RXFP2: variants seen among roughly 807,000 people sequenced by gnomAD.
RXFP2 encodes relaxin receptor 2.
In RXFP2, 68 loss-of-function variants were observed where a neutral mutation model predicts 88.6. The observed-to-expected ratio is 0.77, with a 90% CI of 0.63 to 0.94. The LOEUF (loss-of-function observed/expected upper bound fraction) is 0.94. RXFP2 is among the 40% of genes least tolerant of loss of function. The pLI is 0.00. For synonymous variants in RXFP2, 329 were observed against 306.8 expected (o/e 1.07, Z -0.76); for missense variants, 791 against 893.9 (o/e 0.88, Z 1.47).
In RXFP2 at chr13:31,741,124, A is replaced by T. The variant is rs544562917; in HGVS notation, c.94+1418A>T. ...TTAAACCGTTTATGAGATGAAAAACATCTATTACTAAAATAACATTTTGTG... is the reference window on the plus strand; with the variant it reads ...TTAAACCGTTTATGAGATGAAAAACTTCTATTACTAAAATAACATTTTGTG... On this transcript the variant is annotated intron_variant, in intron 1 of 17. Coordinates refer to ENST00000298386, the MANE Select transcript of RXFP2 (RefSeq NM_130806.5). Among the ~76,000 whole-genome samples the T allele has an allele frequency of 2.0e-4, 31 of 152,224 alleles. 2 individuals are homozygous for T. The Middle Eastern group carries it at 0.014, about 67-fold the overall frequency.
chr13:31,739,777 C>A, intron 1 of RXFP2, 71 bp downstream of exon 1: 1 of 975,284 alleles, frequency 1.0e-6, no homozygotes, highest in Non-Finnish European at 1.7e-6. Flanking sequence ...AGTTCTATGG[C>A]AGTTGTAATA....
chr13:31,765,945 T>C lies in RXFP2; in HGVS notation c.426-11T>C. 2.2e-6 allele frequency: 3 copies of C among 1,382,700 alleles called. No individual in the cohort carries two copies. Among genetic ancestry groups the C allele is most frequent in the Non-Finnish European group, 1.0e-6 (1 of 978,916 alleles). 85.7% of individuals were successfully genotyped at this position (1,382,700 alleles called of 1,614,324 possible). On this transcript the variant is annotated splice_polypyrimidine_tract_variant and intron_variant, in intron 4 of 17. Coordinates refer to ENST00000298386, the MANE Select transcript of RXFP2 (RefSeq NM_130806.5). ...AATCCATAATGAAGTTTGCTTTACA[T>C]GTTATTTTAGGTCTCTTAAGAAAAA...
At chr13:31,768,914 T>C (rs1305261493) in intron 5 of RXFP2, among the ~76,000 whole-genome samples, 1 of 152,078 alleles carries the variant, frequency 6.6e-6, no homozygotes, top group African/African-American at 2.4e-5. Flanking sequence ...ATGTGGCAAA[T>C]ACCAAACCAT....
intron 16 of RXFP2, among the ~76,000 whole-genome samples, chr13:31,793,664 A>G (rs954304759): frequency 3.9e-5 from 6 of 152,188 alleles, no homozygotes; most frequent in Non-Finnish European, 7.3e-5. Context: ...AATGAATGAC[A>G]AATTTAGCCC....
chr13:31,799,961 C>T (rs1874252560), intron 17 of RXFP2, among the ~76,000 whole-genome samples: 1 of 152,162 alleles, frequency 6.6e-6, no homozygotes, highest in Admixed American at 6.5e-5. Flanking sequence ...TAAATACCCC[C>T]ATGAAGGGAA....
chr13:31,775,424 A>T (rs1486737950), intron 7 of RXFP2, 35 bp downstream of exon 7: 1 of 1,441,542 alleles, frequency 6.9e-7, no homozygotes, highest in East Asian at 2.3e-5. Flanking sequence ...CCCATAGAGG[A>T]TCATAGTCTT....
intron 1 of RXFP2, among the ~76,000 whole-genome samples, 171 bp downstream of exon 1, chr13:31,739,877 A>C (rs1382215254): frequency 6.6e-6 from 1 of 152,138 alleles, no homozygotes; most frequent in Non-Finnish European, 1.5e-5. Context: ...CACACAGCCT[A>C]GTAATTTTTA....
chr13:31,790,033 G>T (rs555632699), intron 14 of RXFP2, among the ~76,000 whole-genome samples: 56 of 152,290 alleles, frequency 3.7e-4, no homozygotes, highest in African/African-American at 1.1e-3. Flanking sequence ...TTAGTATAGA[G>T]AAATTCAAAC....
chr13:31,778,389 T>A (rs1232398422), intron 8 of RXFP2, 123 bp from the exon 9 acceptor site: 2 of 699,092 alleles, frequency 2.9e-6, no homozygotes, highest in African/African-American at 3.6e-5. Flanking sequence ...GAAATAGCTA[T>A]ATATGTTATC....
chr13:31,758,821 T>C (rs989560978), intron 2 of RXFP2, among the ~76,000 whole-genome samples: 1 of 152,066 alleles, frequency 6.6e-6, no homozygotes, highest in African/African-American at 2.4e-5. Flanking sequence ...GTGGCTCACC[T>C]GAGGTCAGGA....
intron 3 of RXFP2, among the ~76,000 whole-genome samples, chr13:31,764,505 C>A (rs1872459977): frequency 1.3e-5 from 2 of 151,900 alleles, no homozygotes; most frequent in Admixed American, 1.3e-4. Context: ...AACAAAGAAC[C>A]AAAATGAAGG....
rs562208484 is a variant in RXFP2 at position 31,754,456 on chromosome 13, G to C, written c.95-3802G>C. ...TGAGACAGGAGAATTGCTTAAACCC[G>C]GGAGGGGGAGGTTTCAGTGAGCCGA... is the stretch of plus-strand genomic sequence containing the variant. On this transcript the variant is annotated intron_variant, in intron 1 of 17. Transcript: ENST00000298386. Among the ~76,000 whole-genome samples the C allele has an allele frequency of 2.3e-4, 35 of 152,086 alleles. 1 individual carries two copies. Among genetic ancestry groups the C allele is most frequent in the Non-Finnish European group, 1.0e-4 (7 of 68,010 alleles).
rs564937344 is a variant in RXFP2, at chr13:31,748,028, C to A, written c.94+8322C>A. On this transcript the variant is annotated intron_variant, in intron 1 of 17. Coordinates refer to ENST00000298386, the MANE Select transcript of RXFP2 (RefSeq NM_130806.5). ...AAAGTGAAGGAGAACTGTCCACTGG[C>A]CCTGCTTGATCTGAAATCACTTTGG... Among the ~76,000 whole-genome samples the A allele has an allele frequency of 2.6e-5, 4 of 152,320 alleles. No homozygotes were observed. In the South Asian group the frequency reaches 8.3e-4, roughly 32 times the overall value.
intron 9 of RXFP2, among the ~76,000 whole-genome samples, chr13:31,781,262 G>A (rs1481384782): frequency 1.3e-5 from 2 of 152,158 alleles, no homozygotes; most frequent in Non-Finnish European, 2.9e-5. Context: ...GTGGTCAGAA[G>A]GAAAGTGAAT....
Position 31,761,803 on chromosome 13 carries a change from T to TAAGTGGTTTTGATTCAAAGACAGTATCAG in RXFP2, c.319+3_319+31dup, listed in dbSNP as rs1433406992. 16 of 1,601,468 alleles carry TAAGTGGTTTTGATTCAAAGACAGTATCAG rather than the reference T, an allele frequency of 1.0e-5. No homozygotes were observed. The highest frequency in any genetic ancestry group is 1.4e-5 in the Non-Finnish European group (16 of 1,168,888). ...GCGTGGCCTTAACACAGGAGTGCTG[T>TAAGTGGTTTTGATTCAAAGACAGTATCAG]AAGTGGTTTTGATTCAAAGACAGTA... is the stretch of plus-strand genomic sequence containing the variant. On this transcript the variant is annotated splice_region_variant and intron_variant, in intron 3 of 17. Coordinates refer to ENST00000298386, the MANE Select transcript of RXFP2 (RefSeq NM_130806.5).
chr13:31,782,236 C>A (rs181077867), intron 10 of RXFP2, among the ~76,000 whole-genome samples: 1 of 151,880 alleles, frequency 6.6e-6, no homozygotes, highest in African/African-American at 2.4e-5. Context: ...TTTATGGGGG[C>A]GGGAAGGCAG....
intron 7 of RXFP2, among the ~76,000 whole-genome samples, chr13:31,776,795 C>T (rs557404201): frequency 6.6e-6 from 1 of 152,158 alleles, no homozygotes; most frequent in Admixed American, 6.5e-5. Context: ...GGAATAGAGG[C>T]CTATTTCCCC....
chr13:31,767,289 C>T (rs913647165), intron 5 of RXFP2, among the ~76,000 whole-genome samples: 8 of 152,108 alleles, frequency 5.3e-5, no homozygotes, highest in African/African-American at 1.7e-4. Context: ...CTCTGTAAAC[C>T]CCGGCTGCTC....
intron 1 of RXFP2, among the ~76,000 whole-genome samples, chr13:31,746,223 G>A (rs985391696): frequency 6.6e-6 from 1 of 152,258 alleles, no homozygotes; most frequent in Middle Eastern, 3.4e-3. Flanking sequence ...CTGTTCAATG[G>A]ATCATACACC....
Sources: gnomAD v4.1 joint callset for allele counts (sites outside exome capture counted in the v4.1 genomes callset) on GRCh38, gnomAD v4.1.1 for gene constraint, MANE v1.5 for transcripts, NCBI Gene and HGNC (gene_info 2026-07-23, HGNC 2026-07-21) for gene names.